The following UST variants were observed in gnomAD, a reference collection of about 807,000 sequenced individuals.
The protein encoded by UST is chondroitin sulfate 2-O-sulfotransferase.
A neutral mutation model predicts 45.6 loss-of-function variants in UST; 21 were observed. The observed-to-expected ratio is 0.46, with a 90% CI of 0.33 to 0.66. The LOEUF (loss-of-function observed/expected upper bound fraction) is 0.66. Ranked by LOEUF, UST falls within the 30% of genes least tolerant of loss-of-function variation. UST has a pLI of 0.02. For missense variants in UST, 463 were observed against 512.4 expected (o/e 0.90, Z 0.93); for synonymous variants, 215 against 200.6 (o/e 1.07, Z -0.61).
intron 5 of UST, among the ~76,000 whole-genome samples, chr6:149,013,715 T>C (rs1775853762): frequency 6.6e-6 from 1 of 152,136 alleles, no homozygotes; most frequent in African/African-American, 2.4e-5. Flanking sequence ...TTTTCCTCAT[T>C]CAGGGAACTT....
At chr6:148,762,604 T>C (rs1157062336) in intron 1 of UST, among the ~76,000 whole-genome samples, 1 of 151,608 alleles carries the variant, frequency 6.6e-6, no homozygotes, top group Non-Finnish European at 1.5e-5. Context: ...TATTGCATAA[T>C]GGTGAGGTTT....
chr6:148,937,416 A>G (rs2114918385), intron 2 of UST, among the ~76,000 whole-genome samples: 1 of 152,358 alleles, frequency 6.6e-6, no homozygotes, highest in South Asian at 2.1e-4. Flanking sequence ...TTTAAATAAC[A>G]AACTTTCAAA....
Position 148,755,395 on chromosome 6 carries a change from T to C in UST, c.247+7718T>C, listed in dbSNP as rs1418498830. On this transcript the variant is annotated intron_variant, in intron 1 of 7. Coordinates refer to ENST00000367463, the MANE Select transcript of UST (RefSeq NM_005715.3). ...AATTTTAGTAGGTTTCAAAAATATATATAATCAAAATAAGAAGCTCTAAAA... is the reference window on the plus strand; with the variant it reads ...AATTTTAGTAGGTTTCAAAAATATACATAATCAAAATAAGAAGCTCTAAAA... 2.0e-5 allele frequency among the ~76,000 whole-genome samples: 3 copies of C among 152,210 alleles called. No individual in the cohort carries two copies. The East Asian group carries it at 5.8e-4, about 29-fold the overall frequency.
chr6:149,058,383 G>A (rs867429245), intron 7 of UST, among the ~76,000 whole-genome samples: 1 of 137,470 alleles, frequency 7.3e-6, no homozygotes, highest in African/African-American at 2.8e-5. Flanking sequence ...GTGTGTGTGT[G>A]TGTGTATGTG....
chr6:148,867,291 C>T (rs537480011), intron 1 of UST, among the ~76,000 whole-genome samples: 2,076 of 103,196 alleles, frequency 0.02, 33 homozygotes, highest in Admixed American at 0.036. Flanking sequence ...TGAATACACA[C>T]ACACACACAC....
At chr6:148,870,268 C>T (rs1352566871) in intron 1 of UST, among the ~76,000 whole-genome samples, 1 of 152,152 alleles carries the variant, frequency 6.6e-6, no homozygotes, top group African/African-American at 2.4e-5. Context: ...GCTTCCTTTC[C>T]TGTGAAGGGT....
At chr6:148,801,000 C>CT (rs1777049598) in intron 1 of UST, among the ~76,000 whole-genome samples, 1 of 152,092 alleles carries the variant, frequency 6.6e-6, no homozygotes, top group Admixed American at 6.5e-5. Context: ...CAAAGAGCAA[C>CT]TTTTTTGACA....
At chr6:148,998,239 C>A (rs1442769255) in intron 5 of UST, among the ~76,000 whole-genome samples, 1 of 152,182 alleles carries the variant, frequency 6.6e-6, no homozygotes, top group African/African-American at 2.4e-5. Flanking sequence ...CTTACAGTCA[C>A]AAAGCTTCAT....
intron 5 of UST, chr6:148,993,004 A>G: frequency 1.0e-6 from 1 of 985,456 alleles, no homozygotes; most frequent in Non-Finnish European, 1.2e-6. Flanking sequence ...GCGGCTCAGC[A>G]TTCAAGGCTA....
At chr6:149,053,493 A>G (rs1005256301) in intron 7 of UST, among the ~76,000 whole-genome samples, 1 of 152,172 alleles carries the variant, frequency 6.6e-6, no homozygotes, top group African/African-American at 2.4e-5. Context: ...GTGGCTATAA[A>G]CCCAAACTTA....
chr6:148,783,013 CGTT>C (rs1776672169), intron 1 of UST, among the ~76,000 whole-genome samples: 1 of 152,132 alleles, frequency 6.6e-6, no homozygotes, highest in South Asian at 2.1e-4. Flanking sequence ...TGGCAAACTT[CGTT>C]GTTGTCTTAT....
intron 5 of UST, among the ~76,000 whole-genome samples, chr6:148,984,995 G>A (rs989385985): frequency 3.9e-5 from 6 of 152,218 alleles, no homozygotes; most frequent in South Asian, 4.1e-4. Context: ...ATGAAGAGGC[G>A]TTCAGGATGA....
chr6:148,987,967 C>A (rs1781267714), intron 5 of UST, among the ~76,000 whole-genome samples: 1 of 152,064 alleles, frequency 6.6e-6, no homozygotes, highest in South Asian at 2.1e-4. Context: ...GAGGAATTGT[C>A]TAAGGAGAGA....
chr6:148,774,727 G>A (rs1776497406), intron 1 of UST, among the ~76,000 whole-genome samples: 1 of 152,160 alleles, frequency 6.6e-6, no homozygotes, highest in Admixed American at 6.5e-5. Flanking sequence ...AGAGAAAAAT[G>A]AGTGCATGAG....
intron 1 of UST, among the ~76,000 whole-genome samples, chr6:148,775,691 G>A (rs995473414): frequency 2.0e-5 from 3 of 151,742 alleles, no homozygotes; most frequent in Admixed American, 6.6e-5. Context: ...GCAGTGGCAC[G>A]ATCTTGGCTC....
chr6:149,062,758 A>G (rs1358375638), intron 7 of UST, among the ~76,000 whole-genome samples: 1 of 152,230 alleles, frequency 6.6e-6, no homozygotes, highest in Non-Finnish European at 1.5e-5. Flanking sequence ...TTGGACTGAA[A>G]TGTCCTGGCT....
chr6:149,068,000 C>T (rs1420543754), intron 7 of UST, among the ~76,000 whole-genome samples: 1 of 152,158 alleles, frequency 6.6e-6, no homozygotes, highest in Non-Finnish European at 1.5e-5. Flanking sequence ...ATCACTGACT[C>T]TGAGTATTGG....
intron 7 of UST, among the ~76,000 whole-genome samples, chr6:149,047,900 A>C (rs566519201): frequency 6.6e-6 from 1 of 152,356 alleles, no homozygotes; most frequent in East Asian, 1.9e-4. Flanking sequence ...AAAATACTAG[A>C]AAGCTCTTGG....
intron 1 of UST, among the ~76,000 whole-genome samples, chr6:148,853,066 G>C (rs1562277477): frequency 6.6e-6 from 1 of 152,138 alleles, no homozygotes; most frequent in African/African-American, 2.4e-5. Context: ...CATCACGTAG[G>C]TATTAAGCCC....
Sources: allele counts gnomAD v4.1 joint callset (sites outside exome capture counted in the v4.1 genomes callset), GRCh38; gene constraint gnomAD v4.1.1; transcripts MANE v1.5; gene names NCBI Gene and HGNC (gene_info 2026-07-23, HGNC 2026-07-21).